Variants in HGD observed in about 807,000 individuals in gnomAD.
HGD encodes homogentisate oxidase.
In HGD, 61 loss-of-function variants were observed where a neutral mutation model predicts 60.8. The ratio of observed to expected loss-of-function variants is 1.00; its 90% confidence interval spans 0.82 to 1.24. The LOEUF is 1.24. Among genes scored for constraint, HGD ranks in the 50% most tolerant of loss-of-function variants. HGD has a pLI of 0.00. For synonymous variants in HGD, 212 were observed against 187.7 expected, an observed-to-expected ratio of 1.13 and a Z score of -1.06; for missense variants, 542 against 547.1, an observed-to-expected ratio of 0.99 and a Z score of 0.09.
chr3:120,661,390 C>A (rs1202074058), intron 4 of HGD, among the ~76,000 whole-genome samples: 1 of 152,166 alleles, frequency 6.6e-6, no homozygotes, highest in African/African-American at 2.4e-5. Context: ...TTAATTATTT[C>A]AAACAGTATT....
intron 4 of HGD, among the ~76,000 whole-genome samples, chr3:120,663,393 A>G (rs113888182): frequency 0.13 from 19,040 of 152,110 alleles, 1,347 homozygotes; most frequent in Middle Eastern, 0.18. Context: ...CCACGTGGCT[A>G]GGAAAGCCTC....
intron 3 of HGD, among the ~76,000 whole-genome samples, chr3:120,672,987 T>C (rs1178670498): frequency 6.6e-6 from 1 of 152,174 alleles, no homozygotes; most frequent in Non-Finnish European, 1.5e-5. Context: ...GGTAGGTAGA[T>C]AGACTCTTTA....
intron 4 of HGD, among the ~76,000 whole-genome samples, chr3:120,661,844 C>A (rs1707776170): frequency 6.6e-6 from 1 of 152,142 alleles, no homozygotes; most frequent in South Asian, 2.1e-4. Flanking sequence ...ATGATAGGAT[C>A]TGAACTATCA....
At chr3:120,677,308 T>A (rs1198757308) in intron 1 of HGD, among the ~76,000 whole-genome samples, 1 of 152,174 alleles carries the variant, frequency 6.6e-6, no homozygotes, top group East Asian at 1.9e-4. Context: ...TTCTCTTCTT[T>A]CAAAAGCAAA....
chr3:120,663,102 T>C (rs1314323597), intron 4 of HGD, among the ~76,000 whole-genome samples: 1 of 152,124 alleles, frequency 6.6e-6, no homozygotes, highest in Non-Finnish European at 1.5e-5. Context: ...TCTCTTTTGC[T>C]TAAGCCACCC....
intron 12 of HGD, 80 bp downstream of exon 12, chr3:120,638,375 G>T: frequency 1.9e-6 from 3 of 1,548,166 alleles, no homozygotes; most frequent in Non-Finnish European, 2.7e-6. Flanking sequence ...AATAACCCAG[G>T]CATTATTCCC....
chr3:120,681,545 G>A (rs921013448), intron 1 of HGD, among the ~76,000 whole-genome samples: 4 of 152,158 alleles, frequency 2.6e-5, no homozygotes, highest in African/African-American at 9.7e-5. Flanking sequence ...GATTTATTTT[G>A]AGGATTATGA....
At chr3:120,670,179 C>T (rs999578157) in intron 4 of HGD, 2 of 524,248 alleles carry the variant, frequency 3.8e-6, no homozygotes, top group Admixed American at 6.3e-5. Context: ...CTCAGCCATG[C>T]AGAACTGTGA....
chr3:120,678,067 C>T (rs1708166030), intron 1 of HGD: 5 of 152,104 alleles, frequency 3.3e-5, no homozygotes, highest in Admixed American at 3.3e-4. Flanking sequence ...TTCTTTTTGC[C>T]TTCAGACTCA....
chr3:120,668,883 A>T (rs1482734634), intron 4 of HGD, among the ~76,000 whole-genome samples: 1 of 152,078 alleles, frequency 6.6e-6, no homozygotes, highest in African/African-American at 2.4e-5. Context: ...ATGTACCTAA[A>T]CTCAGGGACA....
intron 12 of HGD, among the ~76,000 whole-genome samples, chr3:120,634,440 A>C (rs1006542450): frequency 6.6e-6 from 1 of 152,090 alleles, no homozygotes; most frequent in African/African-American, 2.4e-5. Context: ...CCACACATCT[A>C]CTTACCCATT....
chr3:120,665,710 A>C (rs1707883816), intron 4 of HGD, among the ~76,000 whole-genome samples: 1 of 152,238 alleles, frequency 6.6e-6, no homozygotes, highest in African/African-American at 2.4e-5. Flanking sequence ...GACAGTGATG[A>C]TCACATATTG....
intron 11 of HGD, 87 bp from the exon 12 acceptor site, chr3:120,638,668 T>C: frequency 6.9e-7 from 1 of 1,453,144 alleles, no homozygotes; most frequent in Non-Finnish European, 9.6e-7. Flanking sequence ...ATGAAGGTGT[T>C]TGCAAGTGAC....
intron 4 of HGD, among the ~76,000 whole-genome samples, chr3:120,668,195 AT>A: frequency 6.6e-6 from 1 of 152,324 alleles, no homozygotes; most frequent in East Asian, 1.9e-4. Context: ...TTTAGACAAA[AT>A]ATCTTAGTTT....
chr3:120,647,675 C>T (rs1941207386), intron 7 of HGD, among the ~76,000 whole-genome samples: 1 of 152,130 alleles, frequency 6.6e-6, no homozygotes, highest in African/African-American at 2.4e-5. Context: ...GACAGAGAGA[C>T]AAGGAAATAG....
intron 4 of HGD, among the ~76,000 whole-genome samples, chr3:120,664,934 T>G (rs1333175558): frequency 6.6e-6 from 1 of 152,204 alleles, no homozygotes; most frequent in African/African-American, 2.4e-5. Context: ...TGATGCACTA[T>G]TGTGTAAAGA....
chr3:120,636,689 G>T (rs539725714), intron 12 of HGD, among the ~76,000 whole-genome samples: 1 of 152,296 alleles, frequency 6.6e-6, no homozygotes, highest in African/African-American at 2.4e-5. Flanking sequence ...CATGGTAACT[G>T]ATTGTTTTCT....
Position 120,633,296 on chromosome 3 carries a change from G to A in HGD, c.1039C>T (p.Arg347Ter), listed in dbSNP as rs975005146. 4 of 1,614,088 alleles carry A rather than the reference G, an allele frequency of 2.5e-6. No homozygotes were observed. Among genetic ancestry groups the A allele is most frequent in the Non-Finnish European group, 3.4e-6 (4 of 1,180,010 alleles). ...NCMSEFMGLI[R>*]GHYEAKQGGF... ...CCTTGCTTTGCCTCATAGTGACCTC[G>A]GATGAGTCCCATGAACTCACTCATG... Residue 347 changes from arginine (R) to a stop codon, truncating the protein, a stop_gained, in exon 13 of 14, where the codon CGA becomes TGA. Coordinates refer to ENST00000283871, the MANE Select transcript of HGD (RefSeq NM_000187.4). LOFTEE classifies it high-confidence loss of function.
chr3:120,678,943 TGTAAAA>T (rs1460589053), intron 1 of HGD, among the ~76,000 whole-genome samples: 1 of 152,242 alleles, frequency 6.6e-6, no homozygotes, highest in African/African-American at 2.4e-5. Context: ...TCAGTGCCTA[TGTAAAA>T]GTATACTGTG....
Sources: allele counts gnomAD v4.1 joint callset (sites outside exome capture counted in the v4.1 genomes callset), GRCh38; gene constraint gnomAD v4.1.1; transcripts MANE v1.5; gene names NCBI Gene and HGNC (gene_info 2026-07-23, HGNC 2026-07-21).